Variants in GPR158 observed in about 807,000 individuals in gnomAD.
GPR158 encodes the protein metabotropic glycine receptor.
A neutral mutation model predicts 78.2 loss-of-function variants in GPR158; 30 were observed. The observed-to-expected ratio is 0.38, with a 90% confidence interval of 0.29 to 0.52. GPR158 has a LOEUF of 0.52. Among genes scored for constraint, GPR158 ranks in the 20% least tolerant of loss-of-function variants. The pLI, the probability that GPR158 is intolerant of heterozygous loss-of-function variation, is 0.83. For synonymous variants in GPR158, 581 were observed against 591.1 expected, an observed-to-expected ratio of 0.98 and a Z score of 0.25; for missense variants, 1,463 against 1,523.5, an observed-to-expected ratio of 0.96 and a Z score of 0.66.
At chr10:25,427,919 A>G (rs969655663) in intron 4 of GPR158, among the ~76,000 whole-genome samples, 1 of 152,034 alleles carries the variant, frequency 6.6e-6, no homozygotes, top group African/African-American at 2.4e-5. Context: ...GTTTTAATGA[A>G]TTTAAACCTG....
chr10:25,318,717 A>G (rs1347532459), intron 2 of GPR158, among the ~76,000 whole-genome samples: 4 of 152,164 alleles, frequency 2.6e-5, no homozygotes, highest in Non-Finnish European at 4.4e-5. Context: ...TTTTGTTCGT[A>G]TGATCACCAT....
intron 2 of GPR158, among the ~76,000 whole-genome samples, chr10:25,250,563 G>A (rs1174467107): frequency 0.049 from 7,109 of 145,466 alleles, 591 homozygotes; most frequent in African/African-American, 0.18. Context: ...CCTTCATTTC[G>A]TTATGTACCC....
At chr10:25,201,721 C>T (rs776069336) in intron 1 of GPR158, among the ~76,000 whole-genome samples, 2 of 151,932 alleles carry the variant, frequency 1.3e-5, no homozygotes, top group African/African-American at 2.4e-5. Context: ...GCTTTTTCTG[C>T]CTCTATTGAG....
At chr10:25,438,500 C>A (rs540994020) in intron 4 of GPR158, among the ~76,000 whole-genome samples, 4 of 152,262 alleles carry the variant, frequency 2.6e-5, no homozygotes, top group Admixed American at 6.5e-5. Context: ...CATTCTTCAG[C>A]GCATTTACAG....
rs781083815 is a variant in GPR158 at position 25,175,383 on chromosome 10, C to T, written c.-38C>T. ...CGATCCAAATTTAAAAAGTGATTCCCCCCCCTCCCGTTCCCTCCTCTTCTC... is the reference window on the plus strand; with the variant it reads ...CGATCCAAATTTAAAAAGTGATTCCTCCCCCTCCCGTTCCCTCCTCTTCTC... On this transcript the variant is annotated 5_prime_UTR_variant, in exon 1 of 11. Transcript: ENST00000376351. The surrounding 1 kb of genome is among the most constrained non-coding windows in gnomAD (Gnocchi z 6.4). 2.3e-6 allele frequency: 3 copies of T among 1,278,434 alleles called. No homozygotes were observed. Among genetic ancestry groups the T allele is most frequent in the South Asian group, 2.8e-5 (2 of 70,192 alleles). The allele number at this position is 1,278,434 out of a possible 1,614,324, so 79.2% of individuals were successfully genotyped here. A position where few individuals can be genotyped will look rare whatever the true frequency, so the allele number is the denominator to read the frequency against.
chr10:25,322,107 G>T (rs1854957510), intron 2 of GPR158, among the ~76,000 whole-genome samples: 1 of 152,132 alleles, frequency 6.6e-6, no homozygotes, highest in Non-Finnish European at 1.5e-5. Context: ...ATACGGCCAG[G>T]CGCGGTGGCT....
At chr10:25,279,772 G>A (rs1001914299) in intron 2 of GPR158, among the ~76,000 whole-genome samples, 16 of 152,190 alleles carry the variant, frequency 1.1e-4, no homozygotes, top group African/African-American at 3.1e-4. Context: ...CTCTTCCTCA[G>A]GGGAATTGGG....
chr10:25,520,482 GT>G (rs1836245541), intron 5 of GPR158, among the ~76,000 whole-genome samples: 1 of 150,154 alleles, frequency 6.7e-6, no homozygotes, highest in Non-Finnish European at 1.5e-5. Context: ...TTTCTGTTCT[GT>G]TTTTTCCCCA....
At chr10:25,433,570 TGC>T (rs71472803) in intron 4 of GPR158, among the ~76,000 whole-genome samples, 2,513 of 128,812 alleles carry the variant, frequency 0.02, 37 homozygotes, top group African/African-American at 0.032. Context: ...TGTGTGTGTG[TGC>T]GCGCGCGCGT....
At chr10:25,438,418 A>C (rs1337266290) in intron 4 of GPR158, among the ~76,000 whole-genome samples, 4 of 152,212 alleles carry the variant, frequency 2.6e-5, no homozygotes, top group Non-Finnish European at 5.9e-5. Flanking sequence ...ATGAACTGCA[A>C]ATGTTTTGCA....
intron 2 of GPR158, among the ~76,000 whole-genome samples, chr10:25,230,618 C>T (rs754399523): frequency 4.6e-5 from 7 of 152,054 alleles, no homozygotes; most frequent in Non-Finnish European, 1.0e-4. Flanking sequence ...ATCAAAATAG[C>T]TATTATATGG....
At position 25,489,343 on chromosome 10, in the gene GPR158, C is replaced by T. The variant is rs1468340797; in HGVS notation, c.1404+22624C>T. Reference sequence around the variant, plus strand: ...TTTCTTATATATATTCAGTTTTTACCTCTATTTTTATTTCCATCCCATACT... The same window carrying T: ...TTTCTTATATATATTCAGTTTTTACTTCTATTTTTATTTCCATCCCATACT... On this transcript the variant is annotated intron_variant, in intron 5 of 10. Transcript: ENST00000376351. Among the ~76,000 whole-genome samples, 4 of 152,064 alleles carry T rather than the reference C, an allele frequency of 2.6e-5. No individual in the cohort carries two copies. The East Asian group carries it at 7.7e-4, about 29-fold the overall frequency.
intron 2 of GPR158, among the ~76,000 whole-genome samples, chr10:25,390,145 CTT>C (rs1834274274): frequency 6.6e-6 from 1 of 152,166 alleles, no homozygotes; most frequent in Non-Finnish European, 1.5e-5. Flanking sequence ...TTTTAAATCT[CTT>C]TCCTCTATAA....
At chr10:25,377,661 C>G (rs1834100517) in intron 2 of GPR158, among the ~76,000 whole-genome samples, 1 of 151,876 alleles carries the variant, frequency 6.6e-6, no homozygotes, top group African/African-American at 2.4e-5. Context: ...CTGCTTTCAC[C>G]TAGCGTACTT....
chr10:25,360,346 A>T (rs1467502205), intron 2 of GPR158, among the ~76,000 whole-genome samples: 8 of 151,822 alleles, frequency 5.3e-5, no homozygotes, highest in Admixed American at 2.0e-4. Context: ...CCTGAATGGT[A>T]TTGCCTAGGT....
At chr10:25,562,335 G>C (rs1413844926) in intron 6 of GPR158, among the ~76,000 whole-genome samples, 2 of 151,804 alleles carry the variant, frequency 1.3e-5, no homozygotes, top group Non-Finnish European at 2.9e-5. Flanking sequence ...TCTCCCTTCA[G>C]CTTGTTTTGG....
intron 5 of GPR158, among the ~76,000 whole-genome samples, chr10:25,513,746 T>C (rs1443416894): frequency 5.3e-5 from 8 of 152,196 alleles, no homozygotes; most frequent in African/African-American, 1.9e-4. Context: ...CAAAGAATTT[T>C]AAAATTTTCA....
At chr10:25,195,003 G>A (rs1199908422) in intron 1 of GPR158, among the ~76,000 whole-genome samples, 5 of 151,360 alleles carry the variant, frequency 3.3e-5, no homozygotes, top group Admixed American at 1.3e-4. Context: ...ATAAATAATC[G>A]GATCCTGCCA....
intron 4 of GPR158, among the ~76,000 whole-genome samples, chr10:25,443,932 G>A (rs933414422): frequency 1.3e-5 from 2 of 151,974 alleles, no homozygotes; most frequent in South Asian, 2.1e-4. Flanking sequence ...ATGTCCTATT[G>A]CAGTTTTGGG....
Sources: gnomAD v4.1 joint callset for allele counts (sites outside exome capture counted in the v4.1 genomes callset) on GRCh38, gnomAD v4.1.1 for gene constraint, Gnocchi (gnomAD v3.1) non-coding constraint, MANE v1.5 for transcripts, NCBI Gene and HGNC (gene_info 2026-07-23, HGNC 2026-07-21) for gene names.